Variants in ERAP1 observed in about 807,000 individuals in gnomAD.
ERAP1 encodes the protein adipocyte-derived leucine aminopeptidase.
ERAP1 carries 86 observed loss-of-function variants against 103.7 expected under a neutral mutation model. That is an observed-to-expected ratio of 0.83 (90% CI 0.70 to 0.99). The LOEUF is 0.99. Among genes scored for constraint, ERAP1 ranks in the 50% least tolerant of loss-of-function variants. The pLI is 0.00. For synonymous variants in ERAP1, 398 were observed against 402.4 expected, an observed-to-expected ratio of 0.99 and a Z score of 0.13; for missense variants, 1,009 against 1,128.4, an observed-to-expected ratio of 0.89 and a Z score of 1.52.
the ERAP1 span, among the ~76,000 whole-genome samples, chr5:96,847,083 CAA>C: frequency 0.05 from 6,694 of 133,474 alleles, 200 homozygotes; most frequent in South Asian, 0.11. Flanking sequence ...TACTAAAATA[CAA>C]AAAAAAAAAA....
chr5:96,773,195 AAATT>A (rs1273745613), downstream of ERAP1: 1 of 153,770 alleles, frequency 6.5e-6, no homozygotes, highest in African/African-American at 2.4e-5. Context: ...TGCTAATAAT[AAATT>A]AATAACAGGT....
chr5:96,859,060 TACACACACAC>T, the ERAP1 span, among the ~76,000 whole-genome samples: 32,057 of 144,622 alleles, frequency 0.22, 4,274 homozygotes, highest in East Asian at 0.47. Flanking sequence ...GCCACATGCA[TACACACACAC>T]ACACACACAC....
At chr5:96,895,455 AATGT>A in the ERAP1 span, 3 of 888,734 alleles carry the variant, frequency 3.4e-6, no homozygotes, top group Non-Finnish European at 5.4e-6. Context: ...AAAACTACAT[AATGT>A]TGTGGTTTTT....
At chr5:96,850,932 A>T in the ERAP1 span, among the ~76,000 whole-genome samples, 1 of 152,206 alleles carries the variant, frequency 6.6e-6, no homozygotes, top group Non-Finnish European at 1.5e-5. Flanking sequence ...ACACGTTAAC[A>T]TCCCAGGGTA....
the ERAP1 span, among the ~76,000 whole-genome samples, chr5:96,908,724 AT>A: frequency 1.3e-5 from 2 of 152,330 alleles, no homozygotes; most frequent in African/African-American, 2.4e-5. Context: ...CAACAAGCCT[AT>A]GAGGAAGATA....
In ERAP1 at chr5:96,783,183, T is replaced by C; in HGVS notation, c.2153A>G (p.Asp718Gly). The change falls in exon 15 of 19, where the codon GAC becomes GGC. Residue 718 changes from aspartate to glycine, a missense_variant. Around this residue, in one of 3 missense-constraint regions of ERAP1, gnomAD observed 611 missense variants for 651.7 expected, o/e 0.94. Coordinates refer to ENST00000443439, the MANE Select transcript of ERAP1 (RefSeq NM_001040458.3). ...CATTCGCTCTGAGACTGAGCCCTCGTCTGTCCATGTCTGCTTATCAATGAG... is the reference window on the plus strand; with the variant it reads ...CATTCGCTCTGAGACTGAGCCCTCGCCTGTCCATGTCTGCTTATCAATGAG... ...RDLIDKQTWT[D>G]EGSVSERMLR... is the part of the protein sequence containing the mutation. The C allele has an allele frequency of 6.2e-7, 1 of 1,613,756 alleles. No homozygotes were observed. The highest frequency in any genetic ancestry group is 8.5e-7 in the Non-Finnish European group (1 of 1,179,602).
the ERAP1 span, among the ~76,000 whole-genome samples, chr5:96,826,500 C>T: frequency 1.3e-5 from 2 of 152,130 alleles, no homozygotes; most frequent in African/African-American, 2.4e-5. Context: ...GGATCTTCTC[C>T]CCCAGTTAAA....
the ERAP1 span, among the ~76,000 whole-genome samples, chr5:96,829,945 C>G: frequency 6.6e-6 from 1 of 152,094 alleles, no homozygotes; most frequent in East Asian, 1.9e-4. Context: ...TAAATTGAAC[C>G]AACTTTCCCT....
the ERAP1 span, among the ~76,000 whole-genome samples, chr5:96,819,713 C>G: frequency 1.3e-5 from 2 of 152,128 alleles, no homozygotes; most frequent in Non-Finnish European, 2.9e-5. Flanking sequence ...ACAAAATAAT[C>G]ACCCTCAAGG....
chr5:96,831,477 G>A, the ERAP1 span, among the ~76,000 whole-genome samples: 4 of 152,212 alleles, frequency 2.6e-5, no homozygotes, highest in Non-Finnish European at 5.9e-5. Context: ...AGCCCATGAT[G>A]TTCAAGGGCC....
At chr5:96,854,493 G>C in the ERAP1 span, among the ~76,000 whole-genome samples, 2 of 151,756 alleles carry the variant, frequency 1.3e-5, no homozygotes, top group Non-Finnish European at 2.9e-5. Flanking sequence ...TTTTATTTTT[G>C]TCTTATTTGT....
At chr5:96,875,806 A>G in the ERAP1 span, 5 of 152,276 alleles carry the variant, frequency 3.3e-5, no homozygotes, top group African/African-American at 1.2e-4. Context: ...AGGGATCACA[A>G]TGGGAGCAAT....
chr5:96,774,231 T>G (rs27433), downstream of ERAP1: 124,944 of 154,036 alleles, frequency 0.81, 51,022 homozygotes, highest in Admixed American at 0.85. Flanking sequence ...GGATACGGCT[T>G]CAGTATTACT....
At chr5:96,778,870 C>A (rs1774740737) in intron 18 of ERAP1, among the ~76,000 whole-genome samples, 1 of 152,168 alleles carries the variant, frequency 6.6e-6, no homozygotes, top group Middle Eastern at 3.2e-3. Context: ...AGTTAGATGT[C>A]TGGGGAAGAA....
At chr5:96,923,508 C>T in the ERAP1 span, among the ~76,000 whole-genome samples, 19 of 152,176 alleles carry the variant, frequency 1.2e-4, no homozygotes, top group African/African-American at 3.4e-4. Context: ...TCCTGGCTAA[C>T]ACGGTGAAAT....
At chr5:96,810,391 G>C (rs1015029250), upstream of ERAP1, among the ~76,000 whole-genome samples, 1 of 152,208 alleles carries the variant, frequency 6.6e-6, no homozygotes. Context: ...GTTAGATACT[G>C]TTAAATGCTA....
At chr5:96,853,818 T>C in the ERAP1 span, among the ~76,000 whole-genome samples, 9 of 147,368 alleles carry the variant, frequency 6.1e-5, no homozygotes, top group African/African-American at 2.0e-4. Flanking sequence ...GTTACAAGTA[T>C]GATCAATCAA....
chr5:96,773,561 G>A (rs1371282138), downstream of ERAP1: 1 of 151,838 alleles, frequency 6.6e-6, no homozygotes, highest in South Asian at 2.1e-4. Flanking sequence ...TGGAACTTAA[G>A]TTTACCAAAT....
chr5:96,789,462 G>T (rs1776472665), intron 10 of ERAP1, among the ~76,000 whole-genome samples: 1 of 151,102 alleles, frequency 6.6e-6, no homozygotes, highest in South Asian at 2.1e-4. Flanking sequence ...ACTCCAGCCT[G>T]GGCAACAGAG....
Sources: gnomAD v4.1 joint callset for allele counts (sites outside exome capture counted in the v4.1 genomes callset) on GRCh38, gnomAD v4.1.1 for gene constraint, gnomAD v4.1.1 regional missense constraint, MANE v1.5 for transcripts, NCBI Gene and HGNC (gene_info 2026-07-23, HGNC 2026-07-21) for gene names.